The following DONSON variants were observed in gnomAD, a reference collection of about 807,000 sequenced individuals.
DONSON encodes DNA replication fork stabilization factor DONSON.
Under a neutral mutation model 62.1 loss-of-function variants are expected in DONSON, and 43 were observed. The observed-to-expected ratio is 0.69, with a 90% CI of 0.54 to 0.89. DONSON has a LOEUF of 0.89. Among genes scored for constraint, DONSON ranks in the 40% least tolerant of loss-of-function variants. The probability of loss-of-function intolerance (pLI) is 0.00; values close to 1 mark genes in which losing one functional copy is unlikely to be tolerated. For missense variants in DONSON, 696 were observed against 697.5 expected (o/e 1.00, Z 0.03); for synonymous variants, 266 against 264.6 (o/e 1.01, Z -0.05).
chr21:33,578,753 G>A (rs2086466577), intron 9 of DONSON, among the ~76,000 whole-genome samples: 1 of 152,124 alleles, frequency 6.6e-6, no homozygotes, highest in Non-Finnish European at 1.5e-5. Context: ...AAACTATAAA[G>A]GAATCAGGTA....
rs1188547714 is a variant in DONSON at position 33,581,977 on chromosome 21, T to A, written c.1125A>T (p.Lys375Asn). The A allele has an allele frequency of 6.2e-7, 1 of 1,614,052 alleles. No individual in the cohort carries two copies. The highest frequency in any genetic ancestry group is 1.3e-5 in the African/African-American group (1 of 74,940). ...LEEMGVQDKIKKPDILSIKLR... is the reference protein window; with the variant it reads ...LEEMGVQDKINKPDILSIKLR... ...GCTTGATAGAAAGTATGTCTGGCTT[T>A]TTAATTTTATCTTGCACACCCATCT... The change falls in exon 7 of 10, where the codon AAA (lysine) becomes AAT (asparagine). Residue 375 changes from lysine (K) to asparagine (N), a missense_variant. Physicochemically the swap from Lys to Asn is moderately conservative, Grantham distance 94 (BLOSUM62 0). Transcript: ENST00000303071.
At chr21:33,583,831 T>C (rs1196315326) in intron 4 of DONSON, among the ~76,000 whole-genome samples, 165 bp from the exon 5 acceptor site, 2 of 151,894 alleles carry the variant, frequency 1.3e-5, no homozygotes, top group African/African-American at 2.4e-5. Flanking sequence ...AGGACTGAAA[T>C]TGGTTATGAG....
In DONSON at chr21:33,588,651, C is replaced by T; in HGVS notation, c.-10G>A. On this transcript the variant is annotated 5_prime_UTR_variant, in exon 1 of 10. Coordinates refer to ENST00000303071, the MANE Select transcript of DONSON (RefSeq NM_017613.4). ...GCACCGAAAGGGCCATGACGCGCGG[C>T]GGCTGAGGGTAGCCGGCCGCCCTAC... 1 of 1,231,924 alleles carries T rather than the reference C, an allele frequency of 8.1e-7. No homozygotes were observed. The highest frequency in any genetic ancestry group is 3.7e-5 in the South Asian group (1 of 27,294). 76.3% of individuals were successfully genotyped at this position (1,231,924 alleles called of 1,614,324 possible).
chr21:33,581,398 A>G lies in DONSON; in HGVS notation c.1254T>C (p.Ser418=), dbSNP rs1286795410. 1.2e-6 allele frequency: 2 copies of G among 1,614,146 alleles called. No homozygotes were observed. The highest frequency in any genetic ancestry group is 2.2e-5 in the East Asian group (1 of 44,876). ...GACCTGAGGTAGCAACTAAACTCTT[A>G]GAGTTAATCAAAAAATTGAGCAATG... ...TFTLLNFLIN[S]KSLVATSGPQ... is the part of the protein sequence containing the mutation. The change falls in exon 8 of 10, where the codon TCT becomes TCC. Residue 418 remains serine, a synonymous_variant. Transcript: ENST00000303071.
chr21:33,579,630 G>C (rs772631340), intron 8 of DONSON, 68 bp from the exon 9 acceptor site: 20 of 1,285,646 alleles, frequency 1.6e-5, no homozygotes, highest in Non-Finnish European at 2.1e-5. Flanking sequence ...CCAAAAATAT[G>C]TTCAATATAT....
chr21:33,578,055 A>T lies in DONSON; in HGVS notation c.*252T>A, dbSNP rs1303035729. 6.5e-6 allele frequency: 2 copies of T among 305,496 alleles called. No homozygotes were observed. Among genetic ancestry groups the T allele is most frequent in the Non-Finnish European group, 1.2e-5 (2 of 168,050 alleles). 18.9% of individuals were successfully genotyped at this position (305,496 alleles called of 1,614,324 possible). On this transcript the variant is annotated 3_prime_UTR_variant, in exon 10 of 10. Transcript: ENST00000303071. ...TTTCCCATTTGCAAGGAAGCATATTAATTCAGTTTCTGCTCAATATACAAT... is the reference window on the plus strand; with the variant it reads ...TTTCCCATTTGCAAGGAAGCATATTTATTCAGTTTCTGCTCAATATACAAT...
Position 33,587,548 on chromosome 21 carries a change from T to A in DONSON, c.376A>T (p.Arg126Ter). The change falls in exon 2 of 10, where the codon AGA becomes TGA. Residue 126 changes from arginine (R) to a stop codon, truncating the protein, a stop_gained. Transcript: ENST00000303071. LOFTEE classifies it high-confidence loss of function. ...TGAGGTAATTCAGTAACAGTTGTTC[T>A]TTCAGGAAACTTCTCTTCCCATAGC... Reference protein sequence around the residue: ...DLLWEEKFPERTTVTELPQTS... With the variant: ...DLLWEEKFPE 1 of 1,601,068 alleles carries A rather than the reference T, an allele frequency of 6.2e-7. No individual in the cohort carries two copies.
rs895219552 is a variant in DONSON at position 33,588,206 on chromosome 21, A to G, written c.321+115T>C. The stretch of plus-strand genomic sequence containing the variant: ...GTACCCTAAGGCCACGGGCGGCCGA[A>G]GTCTTCGCGCCCATTTCCTTGCCTC... On this transcript the variant is annotated intron_variant, in intron 1 of 9. Transcript: ENST00000303071. 25 of 897,694 alleles carry G rather than the reference A, an allele frequency of 2.8e-5. No homozygotes were observed. The African/African-American group carries it at 3.3e-4, about 12-fold the overall frequency. The allele number at this position is 897,694 out of a possible 1,614,324, so 55.6% of individuals were successfully genotyped here.
chr21:33,578,489 T>C, intron 9 of DONSON, 45 bp from the exon 10 acceptor site: 1 of 1,565,068 alleles, frequency 6.4e-7, no homozygotes, highest in African/African-American at 1.4e-5. Flanking sequence ...CATTAGTCTT[T>C]AAACACAGAA....
In DONSON at chr21:33,584,770, TA is replaced by T; in HGVS notation, c.607-3del. On this transcript the variant is annotated splice_region_variant and splice_polypyrimidine_tract_variant and intron_variant, in intron 3 of 9. Coordinates refer to ENST00000303071, the MANE Select transcript of DONSON (RefSeq NM_017613.4). ...GAGCTCAGAGGAGAGTTTGGGATCC[TA>T]AAATCCAAAGGTGACAGTGGGCAGT... 1.3e-6 allele frequency: 2 copies of T among 1,514,314 alleles called. No individual in the cohort carries two copies. The highest frequency in any genetic ancestry group is 2.0e-5 in the Admixed American group (1 of 49,052). The allele number at this position is 1,514,314 out of a possible 1,614,324, so 93.8% of individuals were successfully genotyped here.
Position 33,577,664 on chromosome 21 carries a change from CACACACACACACACACACACACA to C in DONSON, c.*620_*642del, listed in dbSNP as rs2086442561. On this transcript the variant is annotated 3_prime_UTR_variant, in exon 10 of 10. Coordinates refer to ENST00000303071, the MANE Select transcript of DONSON (RefSeq NM_017613.4). ...ACACACACACACACACACACACACA[CACACACACACACACACACACACA>C]CACACACACACACACCCCTATAAGC... 1 of 111,978 alleles carries C rather than the reference CACACACACACACACACACACACA, an allele frequency of 8.9e-6. No homozygotes were observed. Among genetic ancestry groups the C allele is most frequent in the African/African-American group, 4.1e-5 (1 of 24,590 alleles). 6.9% of individuals were successfully genotyped at this position (111,978 alleles called of 1,614,324 possible).
intron 2 of DONSON, among the ~76,000 whole-genome samples, chr21:33,586,763 T>C (rs2086581650): frequency 6.6e-6 from 1 of 152,000 alleles, no homozygotes; most frequent in East Asian, 1.9e-4. Context: ...TCCTCCCGAG[T>C]ACCTGGGACT....
At chr21:33,578,564 T>C (rs774882603) in intron 9 of DONSON, 120 bp from the exon 10 acceptor site, 14 of 1,115,088 alleles carry the variant, frequency 1.3e-5, no homozygotes, top group Non-Finnish European at 1.7e-5. Flanking sequence ...ATCCTATTAA[T>C]AGAAGTTGAT....
Position 33,581,510 on chromosome 21 carries a change from AC to A in DONSON, c.1152-11del. ...ATGTTTCTCTTTACGCCTGAAGATGACAATCAAGGAAATTGCAAAAGCAAAT... is the reference window on the plus strand; with the variant it reads ...ATGTTTCTCTTTACGCCTGAAGATGAAATCAAGGAAATTGCAAAAGCAAAT... On this transcript the variant is annotated splice_polypyrimidine_tract_variant and intron_variant, in intron 7 of 9. Coordinates refer to ENST00000303071, the MANE Select transcript of DONSON (RefSeq NM_017613.4). The A allele has an allele frequency of 1.2e-6, 2 of 1,608,082 alleles. No individual in the cohort carries two copies. Among genetic ancestry groups the A allele is most frequent in the Non-Finnish European group, 1.7e-6 (2 of 1,176,256 alleles).
intron 8 of DONSON, 45 bp from the exon 9 acceptor site, chr21:33,579,607 A>G (rs745712689): frequency 1.3e-6 from 2 of 1,546,574 alleles, no homozygotes; most frequent in African/African-American, 2.7e-5. Context: ...TCATCTCTCA[A>G]CCTTTTGCCT....
intron 8 of DONSON, among the ~76,000 whole-genome samples, chr21:33,580,584 C>G (rs2086496745): frequency 6.8e-6 from 1 of 147,732 alleles, no homozygotes; most frequent in East Asian, 2.1e-4. Flanking sequence ...GTTGAGGCTG[C>G]AGTGAGCTGT....
intron 3 of DONSON, 23 bp downstream of exon 3, chr21:33,585,955 T>G: frequency 1.9e-6 from 3 of 1,611,524 alleles, no homozygotes; most frequent in Non-Finnish European, 1.7e-6. Flanking sequence ...CTTTAACACA[T>G]AACTATTTTA....
rs2086461191 is a variant in DONSON at position 33,578,444 on chromosome 21, C to T, written c.1564G>A (p.Glu522Lys). ...CLQMDKVLDM[E>K]VVHKELTNCG... ...TTAGTAAGCTCCTTATGAACAACCT[C>T]CTGTGGAAATGTGTGTACAAGTCAG... Residue 522 changes from glutamate (E) to lysine (K), a missense_variant and splice_region_variant, in exon 10 of 10, where the codon GAG (glutamate) becomes AAG (lysine). By Grantham distance (56) the Glu-to-Lys change is moderately conservative (BLOSUM62 1). Coordinates refer to ENST00000303071, the MANE Select transcript of DONSON (RefSeq NM_017613.4). The T allele has an allele frequency of 6.2e-7, 1 of 1,612,698 alleles. No homozygotes were observed. The highest frequency in any genetic ancestry group is 1.7e-5 in the Admixed American group (1 of 59,866).
rs2086433483 is a variant in DONSON, at chr21:33,577,603, CTACACACACACACACACACA to C, written c.*684_*703del. The stretch of plus-strand genomic sequence containing the variant: ...AAAATGTGAATTATACAGTCCCCCC[CTACACACACACACACACACA>C]CACACACACACACACACACACACAC... On this transcript the variant is annotated 3_prime_UTR_variant, in exon 10 of 10. Transcript: ENST00000303071. 3 of 51,694 alleles carry C rather than the reference CTACACACACACACACACACA, an allele frequency of 5.8e-5. No individual in the cohort carries two copies. The highest frequency in any genetic ancestry group is 2.6e-4 in the Admixed American group (1 of 3,874). 3.2% of individuals were successfully genotyped at this position (51,694 alleles called of 1,614,324 possible). A position where few individuals can be genotyped will look rare whatever the true frequency, so the allele number is the denominator to read the frequency against.
Sources: gnomAD v4.1 joint callset for allele counts (sites outside exome capture counted in the v4.1 genomes callset) on GRCh38, gnomAD v4.1.1 for gene constraint, MANE v1.5 for transcripts, NCBI Gene and HGNC (gene_info 2026-07-23, HGNC 2026-07-21) for gene names.